The following ST8SIA6 variants were observed in gnomAD, a reference collection of about 807,000 sequenced individuals.
ST8SIA6 encodes ST8 alpha-N-acetyl-neuraminide alpha-2,8-sialyltransferase 6.
In ST8SIA6, 39 loss-of-function variants were observed where a neutral mutation model predicts 33.6. That is an observed-to-expected ratio of 1.16 (90% CI 0.90 to 1.52). The LOEUF (loss-of-function observed/expected upper bound fraction) is 1.52. Among genes scored for constraint, ST8SIA6 ranks in the 40% most tolerant of loss-of-function variants. ST8SIA6 has a pLI of 0.00. For synonymous variants in ST8SIA6, 172 were observed against 167.2 expected (o/e 1.03, Z -0.22); for missense variants, 441 against 443.8 (o/e 0.99, Z 0.06).
intron 2 of ST8SIA6, among the ~76,000 whole-genome samples, chr10:17,440,810 TGGAGTTG>T (rs1333990579): frequency 6.6e-6 from 1 of 152,184 alleles, no homozygotes; most frequent in Non-Finnish European, 1.5e-5. Context: ...ATAAAAGACA[TGGAGTTG>T]TATCTTATTG....
At chr10:17,371,423 G>T (rs991308777) in intron 3 of ST8SIA6, among the ~76,000 whole-genome samples, 1 of 151,996 alleles carries the variant, frequency 6.6e-6, no homozygotes, top group Non-Finnish European at 1.5e-5. Flanking sequence ...GAGAAATGAG[G>T]CCTGAGGATT....
intron 2 of ST8SIA6, among the ~76,000 whole-genome samples, chr10:17,407,187 G>C (rs1851296471): frequency 6.6e-6 from 1 of 152,136 alleles, no homozygotes; most frequent in East Asian, 1.9e-4. Context: ...GCTGCTAAAT[G>C]CTATAACTTA....
chr10:17,331,468 G>T lies in ST8SIA6; in HGVS notation c.462C>A (p.Tyr154Ter), dbSNP rs377694286. The T allele has an allele frequency of 1.2e-6, 2 of 1,613,274 alleles. No individual in the cohort carries two copies. The highest frequency in any genetic ancestry group is 1.1e-5 in the South Asian group (1 of 90,900). Residue 154 changes from tyrosine (Y) to a stop codon, truncating the protein, a stop_gained, in exon 5 of 8, where the codon TAC (tyrosine) becomes TAA (stop). Coordinates refer to ENST00000377602, the MANE Select transcript of ST8SIA6 (RefSeq NM_001004470.3). LOFTEE classifies it high-confidence loss of function. ...GGATTTCTTTTTTGCTTTCCACCTC[G>T]TAACTCATATTAGTCCCAACTGGAG... ...NNTPVGTNMS[Y>*]EVESKKEIPI...
At chr10:17,372,686 A>C (rs1588853124) in intron 3 of ST8SIA6, among the ~76,000 whole-genome samples, 1 of 152,380 alleles carries the variant, frequency 6.6e-6, no homozygotes, top group Non-Finnish European at 1.5e-5. Flanking sequence ...ATAATAATGT[A>C]AAGGATTATG....
chr10:17,373,698 G>C (rs1465876183), intron 3 of ST8SIA6, among the ~76,000 whole-genome samples: 1 of 152,122 alleles, frequency 6.6e-6, no homozygotes, highest in Non-Finnish European at 1.5e-5. Flanking sequence ...CAACAGATTT[G>C]CTATCTTTCC....
chr10:17,345,909 A>T (rs1199124975), intron 4 of ST8SIA6, among the ~76,000 whole-genome samples: 1 of 152,174 alleles, frequency 6.6e-6, no homozygotes. Flanking sequence ...CATGCACATG[A>T]CAAGAAATGA....
At chr10:17,419,698 G>A (rs1426667813) in intron 2 of ST8SIA6, among the ~76,000 whole-genome samples, 1 of 152,162 alleles carries the variant, frequency 6.6e-6, no homozygotes, top group Non-Finnish European at 1.5e-5. Flanking sequence ...CACCCTCAGG[G>A]AACAATATGC....
intron 4 of ST8SIA6, among the ~76,000 whole-genome samples, chr10:17,343,291 C>T (rs897193327): frequency 6.6e-6 from 1 of 152,154 alleles, no homozygotes; most frequent in Non-Finnish European, 1.5e-5. Flanking sequence ...AATCTTTTCT[C>T]TACAAAGGGT....
At chr10:17,392,060 C>A (rs1850636052) in intron 2 of ST8SIA6, among the ~76,000 whole-genome samples, 1 of 152,142 alleles carries the variant, frequency 6.6e-6, no homozygotes, top group African/African-American at 2.4e-5. Context: ...TCGTTGATAG[C>A]CTAATATGGG....
At chr10:17,371,424 C>G (rs1849727457) in intron 3 of ST8SIA6, among the ~76,000 whole-genome samples, 1 of 151,832 alleles carries the variant, frequency 6.6e-6, no homozygotes. Flanking sequence ...AGAAATGAGG[C>G]CTGAGGATTG....
chr10:17,402,163 C>A (rs1006429225), intron 2 of ST8SIA6, among the ~76,000 whole-genome samples: 9 of 152,104 alleles, frequency 5.9e-5, no homozygotes, highest in East Asian at 1.9e-4. Flanking sequence ...ATGCAGCCAA[C>A]AGACACATGA....
intron 4 of ST8SIA6, among the ~76,000 whole-genome samples, chr10:17,351,132 A>G (rs541091562): frequency 6.6e-6 from 1 of 151,952 alleles, no homozygotes; most frequent in African/African-American, 2.4e-5. Context: ...TAATTGCTCT[A>G]CTGGGCTTCT....
At chr10:17,442,111 C>G (rs1456794099) in intron 2 of ST8SIA6, among the ~76,000 whole-genome samples, 3 of 152,202 alleles carry the variant, frequency 2.0e-5, no homozygotes, top group African/African-American at 7.2e-5. Context: ...TCGTGATCCA[C>G]CTGCCTCGGC....
chr10:17,317,094 C>T lies in ST8SIA6; in HGVS notation c.*3784G>A, dbSNP rs1239369875. 2.0e-5 allele frequency among the ~76,000 whole-genome samples: 3 copies of T among 152,070 alleles called. No individual in the cohort carries two copies. Among genetic ancestry groups the T allele is most frequent in the African/African-American group, 7.2e-5 (3 of 41,448 alleles). On this transcript the variant is annotated 3_prime_UTR_variant, in exon 8 of 8. Transcript: ENST00000377602. The stretch of plus-strand genomic sequence containing the variant: ...GAGCTTTAAAGTTTTCTTTTTAATC[C>T]ATCGTTTTCATCCCTCTGGAGCCCA...
At chr10:17,413,854 AT>A (rs1168174023) in intron 2 of ST8SIA6, among the ~76,000 whole-genome samples, 5 of 152,182 alleles carry the variant, frequency 3.3e-5, no homozygotes, top group African/African-American at 1.2e-4. Context: ...TTTACCAAGT[AT>A]TTCCATTTGT....
chr10:17,439,138 AT>A (rs1852380951), intron 2 of ST8SIA6, among the ~76,000 whole-genome samples: 2 of 152,236 alleles, frequency 1.3e-5, no homozygotes, highest in South Asian at 4.1e-4. Flanking sequence ...TTCATTTAAA[AT>A]GATAATTTCA....
intron 4 of ST8SIA6, among the ~76,000 whole-genome samples, chr10:17,348,943 T>C (rs969408884): frequency 6.6e-6 from 1 of 152,138 alleles, no homozygotes; most frequent in Non-Finnish European, 1.5e-5. Context: ...TGGCTCTGCC[T>C]GTACTCGAGC....
intron 2 of ST8SIA6, among the ~76,000 whole-genome samples, chr10:17,405,311 C>A (rs956922455): frequency 6.6e-6 from 1 of 151,824 alleles, no homozygotes; most frequent in East Asian, 1.9e-4. Context: ...TTCAAGCCTG[C>A]AGTGAGCCAC....
intron 5 of ST8SIA6, 76 bp downstream of exon 5, chr10:17,331,332 G>A: frequency 6.7e-7 from 1 of 1,482,142 alleles, no homozygotes; most frequent in South Asian, 1.4e-5. Context: ...CATCATAATT[G>A]TAAGTTACAG....
Sources: gnomAD v4.1 joint callset for allele counts (sites outside exome capture counted in the v4.1 genomes callset) on GRCh38, gnomAD v4.1.1 for gene constraint, MANE v1.5 for transcripts, NCBI Gene and HGNC (gene_info 2026-07-23, HGNC 2026-07-21) for gene names.